OPRM1: variants seen among roughly 807,000 people sequenced by gnomAD.
The protein encoded by OPRM1 is opioid receptor mu 1.
Under a neutral mutation model 31.8 loss-of-function variants are expected in OPRM1, and 27 were observed. The ratio of observed to expected loss-of-function variants is 0.85; its 90% confidence interval spans 0.63 to 1.17. The LOEUF is 1.17. Ranked by LOEUF, OPRM1 falls within the 50% of genes most tolerant of loss-of-function variation. The pLI, the probability that OPRM1 is intolerant of heterozygous loss-of-function variation, is 0.00. For synonymous variants in OPRM1, 196 were observed against 189.9 expected (o/e 1.03, Z -0.26); for missense variants, 536 against 511.1 (o/e 1.05, Z -0.47).
chr6:154,135,044 A>G (rs146623591), downstream of OPRM1, among the ~76,000 whole-genome samples: 1,091 of 152,348 alleles, frequency 7.2e-3, 21 homozygotes, highest in African/African-American at 0.024. Flanking sequence ...ACTAAGTCAA[A>G]TCTATAGTCC....
chr6:154,177,954 C>T (rs1006247407), intron 3 of OPRM1, among the ~76,000 whole-genome samples: 4 of 152,138 alleles, frequency 2.6e-5, no homozygotes, highest in Admixed American at 2.0e-4. Context: ...GGATACTACG[C>T]AGCCATAAAA....
At chr6:154,140,573 G>A (rs904075372) in intron 3 of OPRM1, among the ~76,000 whole-genome samples, 3 of 151,990 alleles carry the variant, frequency 2.0e-5, no homozygotes, top group South Asian at 2.1e-4. Context: ...CAGGTGATCC[G>A]CCCGCCTCAA....
chr6:154,135,285 A>G (rs918762404), downstream of OPRM1, among the ~76,000 whole-genome samples: 15 of 152,170 alleles, frequency 9.9e-5, no homozygotes, highest in African/African-American at 3.1e-4. Flanking sequence ...CCTGGCCCAC[A>G]TGGCAACACC....
chr6:154,039,590 G>A lies in OPRM1; in HGVS notation c.46G>A (p.Ala16Thr), dbSNP rs367637070. Reference protein sequence around the residue: ...APTNASNCTDALAYSSCSPAP... With the variant: ...APTNASNCTDTLAYSSCSPAP... ...CACGAACGCCAGCAATTGCACTGATGCCTTGGCGTACTCAAGTTGCTCCCC... is the reference window on the plus strand; with the variant it reads ...CACGAACGCCAGCAATTGCACTGATACCTTGGCGTACTCAAGTTGCTCCCC... The change falls in exon 1 of 4, where the codon GCC becomes ACC. Residue 16 changes from alanine to threonine, a missense_variant. Ala to Thr is a moderately conservative substitution (Grantham distance 58). Transcript: ENST00000330432. The A allele has an allele frequency of 1.2e-6, 2 of 1,613,870 alleles. No individual in the cohort carries two copies. The highest frequency in any genetic ancestry group is 8.5e-7 in the Non-Finnish European group (1 of 1,179,890).
chr6:154,222,654 A>G (rs1274843004), intron 3 of OPRM1, among the ~76,000 whole-genome samples: 2 of 151,872 alleles, frequency 1.3e-5, no homozygotes, highest in Non-Finnish European at 2.9e-5. Context: ...TGAGCTGGTA[A>G]TTTTTTTTGG....
At position 154,169,011 on chromosome 6, in the gene OPRM1, C is replaced by G. The variant is rs558604830; in HGVS notation, c.1164+77539C>G. Among the ~76,000 whole-genome samples the G allele has an allele frequency of 3.3e-5, 5 of 152,088 alleles. No individual in the cohort carries two copies. In the East Asian group the frequency reaches 9.7e-4, roughly 29 times the overall value. ...GTGCAATATATTCACCTCATCCCAA[C>G]AACTCCAAAAGTCTTAACCCATTCC... On this transcript the variant is annotated intron_variant, in intron 3 of 3. Transcript: ENST00000337049.
chr6:154,071,699 T>C (rs1786772592), intron 1 of OPRM1, among the ~76,000 whole-genome samples: 1 of 152,228 alleles, frequency 6.6e-6, no homozygotes, highest in Non-Finnish European at 1.5e-5. Context: ...AAGAGAAATC[T>C]GATGAATGAG....
intron 3 of OPRM1, among the ~76,000 whole-genome samples, chr6:154,218,744 A>G (rs986763450): frequency 5.3e-5 from 8 of 152,228 alleles, no homozygotes; most frequent in African/African-American, 1.9e-4. Flanking sequence ...AAACATGAGA[A>G]GTTATTATAA....
chr6:154,016,513 A>C (rs1474709826), intron 1 of OPRM1, among the ~76,000 whole-genome samples: 1 of 151,936 alleles, frequency 6.6e-6, no homozygotes. Context: ...AAGTGAGGGA[A>C]GAAGGGGAAA....
intron 1 of OPRM1, among the ~76,000 whole-genome samples, chr6:154,063,234 C>T (rs533699932): frequency 2.0e-5 from 3 of 152,042 alleles, no homozygotes; most frequent in African/African-American, 4.8e-5. Flanking sequence ...ACAATAATCA[C>T]GGTTGTCTAA....
downstream of OPRM1, among the ~76,000 whole-genome samples, chr6:154,133,045 C>T (rs931481347): frequency 5.3e-5 from 8 of 151,300 alleles, no homozygotes; most frequent in African/African-American, 9.7e-5. Context: ...GGTGTGAACC[C>T]GGGAGGCGGA....
chr6:154,180,416 T>TATATATA (rs1562526757), intron 3 of OPRM1, among the ~76,000 whole-genome samples: 64 of 51,090 alleles, frequency 1.3e-3, no homozygotes, highest in Middle Eastern at 0.012. Flanking sequence ...ATATATATAT[T>TATATATA]TTTTTTTTAA....
At chr6:154,042,107 A>G (rs991265750) in intron 1 of OPRM1, among the ~76,000 whole-genome samples, 2 of 152,304 alleles carry the variant, frequency 1.3e-5, no homozygotes, top group South Asian at 2.1e-4. Context: ...AAAATGCAGT[A>G]CTATTTGAAA....
rs1343278352 is a variant in OPRM1 at position 154,039,455 on chromosome 6, C to T, written c.-90C>T. On this transcript the variant is annotated 5_prime_UTR_variant, in exon 1 of 4. An upstream open reading frame in the 5' UTR gains an earlier in-frame stop. Transcript: ENST00000330432. ...GAAACAGCAGGAGCTGTGGCAGCGGCGAAAGGAAGCGGCTGAGGCGCTTGG... is the reference window on the plus strand; with the variant it reads ...GAAACAGCAGGAGCTGTGGCAGCGGTGAAAGGAAGCGGCTGAGGCGCTTGG... 1.9e-6 allele frequency: 3 copies of T among 1,552,258 alleles called. No individual in the cohort carries two copies. The South Asian group carries it at 3.6e-5, about 18-fold the overall frequency.
At chr6:154,159,948 G>C (rs1158746624) in intron 3 of OPRM1, 1 of 1,613,542 alleles carries the variant, frequency 6.2e-7, no homozygotes, top group East Asian at 2.2e-5. Context: ...GGATCAGCAG[G>C]GTGTTCATGA....
rs1398936616 is a variant in OPRM1 at position 154,124,189 on chromosome 6, T to C, written c.*5468T>C. ...TTGAATAAATGCAGTGTATACATTT[T>C]TAAAGGAATTTTAAGAGCTCGGAAA... On this transcript the variant is annotated 3_prime_UTR_variant, in exon 4 of 4. Coordinates refer to ENST00000330432, the MANE Select transcript of OPRM1 (RefSeq NM_000914.5). 6.6e-6 allele frequency among the ~76,000 whole-genome samples: 1 copy of C among 152,226 alleles called. No homozygotes were observed. The highest frequency in any genetic ancestry group is 2.4e-5 in the African/African-American group (1 of 41,446).
intron 1 of OPRM1, among the ~76,000 whole-genome samples, chr6:154,020,821 G>A (rs184110193): frequency 2.2e-4 from 33 of 152,296 alleles, no homozygotes; most frequent in African/African-American, 7.7e-4. Flanking sequence ...TATTTGCCAC[G>A]TGTATGTCTT....
intron 3 of OPRM1, among the ~76,000 whole-genome samples, chr6:154,214,543 T>C (rs116009565): frequency 9.1e-4 from 139 of 152,336 alleles, no homozygotes; most frequent in African/African-American, 3.0e-3. Flanking sequence ...ATTCCAAATA[T>C]ATGAACAAAC....
At chr6:154,016,778 G>A (rs1778027224) in intron 1 of OPRM1, among the ~76,000 whole-genome samples, 1 of 152,206 alleles carries the variant, frequency 6.6e-6, no homozygotes, top group Admixed American at 6.5e-5. Context: ...ACACATACGT[G>A]TGGACTGTAT....
Sources: gnomAD v4.1 joint callset for allele counts (sites outside exome capture counted in the v4.1 genomes callset) on GRCh38, gnomAD v4.1.1 for gene constraint, MANE v1.5 for transcripts, NCBI Gene and HGNC (gene_info 2026-07-23, HGNC 2026-07-21) for gene names.